TRIM44: variants seen among roughly 807,000 people sequenced by gnomAD.
TRIM44 encodes tripartite motif-containing protein 44.
Under a neutral mutation model 37.4 loss-of-function variants are expected in TRIM44, and 13 were observed. That is an observed-to-expected ratio of 0.35 (90% confidence interval 0.23 to 0.55). The LOEUF is 0.55. Among genes scored for constraint, TRIM44 ranks in the 20% least tolerant of loss-of-function variants. The pLI is 0.89. For missense variants in TRIM44, 426 were observed against 437.2 expected (o/e 0.97, Z 0.23); for synonymous variants, 175 against 157.2 (o/e 1.11, Z -0.85).
At position 35,685,286 on chromosome 11, in the gene TRIM44, G is replaced by T; in HGVS notation, c.697G>T (p.Ala233Ser). The T allele has an allele frequency of 1.2e-6, 2 of 1,614,202 alleles. No homozygotes were observed. Among genetic ancestry groups the T allele is most frequent in the Non-Finnish European group, 1.7e-6 (2 of 1,180,016 alleles). ...RSKDSGGLKA[A>S]MIELVERLKF... is the part of the protein sequence containing the mutation. ...CAAAGACTCAGGTGGACTGAAGGCC[G>T]CTATGATCGAATTGGTGGAAAGGTT... Residue 233 changes from alanine (A) to serine (S), a missense_variant, in exon 2 of 5, where the codon GCT (alanine) becomes TCT (serine). By Grantham distance (99) the Ala-to-Ser change is moderately conservative. Transcript: ENST00000299413.
At chr11:35,694,841 T>C (rs1851676882) in intron 2 of TRIM44, among the ~76,000 whole-genome samples, 1 of 152,142 alleles carries the variant, frequency 6.6e-6, no homozygotes, top group Non-Finnish European at 1.5e-5. Flanking sequence ...TGTTCTTAGA[T>C]GATCCGGTCT....
chr11:35,792,111 A>ACACACACACACACACTCTCTCTCT (rs796092540), intron 4 of TRIM44, among the ~76,000 whole-genome samples: 5 of 114,364 alleles, frequency 4.4e-5, no homozygotes, highest in Admixed American at 2.5e-4. Context: ...ACACACACAC[A>ACACACACACACACACTCTCTCTCT]CTCTCTCTCA....
chr11:35,792,540 A>G (rs570763282), intron 4 of TRIM44, among the ~76,000 whole-genome samples: 1 of 152,296 alleles, frequency 6.6e-6, no homozygotes, highest in South Asian at 2.1e-4. Context: ...TTCCTGCTGG[A>G]TGTAGTTTTT....
chr11:35,680,988 C>G (rs995712393), intron 1 of TRIM44, among the ~76,000 whole-genome samples: 3 of 151,540 alleles, frequency 2.0e-5, no homozygotes, highest in African/African-American at 7.3e-5. Flanking sequence ...GTATAGAAAT[C>G]CCTTATGTGT....
chr11:35,772,708 G>A (rs2133866651), intron 4 of TRIM44, among the ~76,000 whole-genome samples: 1 of 152,282 alleles, frequency 6.6e-6, no homozygotes, highest in East Asian at 1.9e-4. Context: ...AACTCAGTGT[G>A]CCTGTACCCC....
chr11:35,666,564 T>C (rs1851334632), intron 1 of TRIM44, among the ~76,000 whole-genome samples: 1 of 152,196 alleles, frequency 6.6e-6, no homozygotes, highest in Non-Finnish European at 1.5e-5. Flanking sequence ...TTCACATCAT[T>C]GTAAAATTTA....
intron 4 of TRIM44, among the ~76,000 whole-genome samples, chr11:35,742,595 A>C (rs866077590): frequency 7.6e-6 from 1 of 131,414 alleles, no homozygotes; most frequent in Non-Finnish European, 1.5e-5. Flanking sequence ...TAATTGTATT[A>C]TATATAATTA....
chr11:35,713,645 A>G (rs1852005665), intron 2 of TRIM44, among the ~76,000 whole-genome samples: 1 of 152,246 alleles, frequency 6.6e-6, no homozygotes, highest in South Asian at 2.1e-4. Context: ...TTGTGAGGAG[A>G]TAAGAAACAG....
intron 4 of TRIM44, among the ~76,000 whole-genome samples, chr11:35,746,907 C>T (rs138019744): frequency 1.7e-3 from 257 of 152,212 alleles, no homozygotes; most frequent in South Asian, 8.7e-3. Context: ...CCTGTAGGTT[C>T]GCAATGTGGT....
chr11:35,686,669 G>A (rs570240699), intron 2 of TRIM44, among the ~76,000 whole-genome samples: 1 of 152,072 alleles, frequency 6.6e-6, no homozygotes, highest in Admixed American at 6.6e-5. Context: ...TGATTCTCCT[G>A]CCTCAGCCGC....
At chr11:35,691,197 C>A (rs1448961129) in intron 2 of TRIM44, among the ~76,000 whole-genome samples, 5 of 152,194 alleles carry the variant, frequency 3.3e-5, no homozygotes, top group Admixed American at 3.3e-4. Context: ...CACAGTTTGA[C>A]CCGATTAGTG....
At chr11:35,667,192 T>C (rs2135481351) in intron 1 of TRIM44, among the ~76,000 whole-genome samples, 1 of 152,348 alleles carries the variant, frequency 6.6e-6, no homozygotes, top group South Asian at 2.1e-4. Context: ...GGTTATTTAA[T>C]ATCAAATGCT....
At chr11:35,703,545 G>T (rs992104818) in intron 2 of TRIM44, among the ~76,000 whole-genome samples, 1 of 152,150 alleles carries the variant, frequency 6.6e-6, no homozygotes, top group Non-Finnish European at 1.5e-5. Context: ...ACACGGCCGG[G>T]TACTCCCCTG....
At chr11:35,708,789 A>T (rs956737567) in intron 2 of TRIM44, among the ~76,000 whole-genome samples, 9 of 152,066 alleles carry the variant, frequency 5.9e-5, no homozygotes, top group Admixed American at 3.3e-4. Flanking sequence ...GAGGGAGAGC[A>T]TTAGGGGATA....
rs1044841674 is a variant in TRIM44, at chr11:35,708,612, G to A, written c.748-17312G>A. ...AATGAAGAGTTCATGTCCTTTGTAG[G>A]GACATGGATGAAATTGGAAATCATC... On this transcript the variant is annotated intron_variant, in intron 2 of 4. Transcript: ENST00000299413. Among the ~76,000 whole-genome samples, 6 of 151,752 alleles carry A rather than the reference G, an allele frequency of 4.0e-5. No homozygotes were observed. The South Asian group carries it at 1.2e-3, about 32-fold the overall frequency.
chr11:35,677,699 G>T (rs973210937), intron 1 of TRIM44, among the ~76,000 whole-genome samples: 3 of 152,046 alleles, frequency 2.0e-5, no homozygotes, highest in African/African-American at 4.8e-5. Flanking sequence ...AATATTTATT[G>T]AAGGCTTAAA....
chr11:35,788,855 A>G (rs1406981815), intron 4 of TRIM44, among the ~76,000 whole-genome samples: 1 of 152,198 alleles, frequency 6.6e-6, no homozygotes, highest in African/African-American at 2.4e-5. Context: ...GGAAGGACAT[A>G]AGCTTTCTCT....
chr11:35,707,775 A>G (rs1320275161), intron 2 of TRIM44, among the ~76,000 whole-genome samples: 1 of 141,686 alleles, frequency 7.1e-6, no homozygotes, highest in African/African-American at 2.6e-5. Context: ...AGATGGATTA[A>G]AGACTTACAT....
At chr11:35,704,015 A>C (rs1394276369) in intron 2 of TRIM44, among the ~76,000 whole-genome samples, 2 of 152,218 alleles carry the variant, frequency 1.3e-5, no homozygotes, top group East Asian at 1.9e-4. Context: ...ACTTTGAAAA[A>C]AATTTAGACG....
Sources: allele counts gnomAD v4.1 joint callset (sites outside exome capture counted in the v4.1 genomes callset), GRCh38; gene constraint gnomAD v4.1.1; transcripts MANE v1.5; gene names NCBI Gene and HGNC (gene_info 2026-07-23, HGNC 2026-07-21).